Variants in DDX17 observed in about 807,000 individuals in gnomAD.
DDX17 encodes the protein DEAD-box helicase 17, also known as probable ATP-dependent RNA helicase DDX17.
A neutral mutation model predicts 80.8 loss-of-function variants in DDX17; 10 were observed. That is an observed-to-expected ratio of 0.12 (90% CI 0.08 to 0.21). The LOEUF (loss-of-function observed/expected upper bound fraction) is 0.21. Among genes scored for constraint, DDX17 ranks in the 10% least tolerant of loss-of-function variants. The pLI is 1.00. For missense variants in DDX17, 586 were observed against 957.4 expected (o/e 0.61, Z 5.12); for synonymous variants, 339 against 336.2 (o/e 1.01, Z -0.09).
At chr22:38,487,262 A>G (rs898320060) in intron 12 of DDX17, among the ~76,000 whole-genome samples, 1 of 152,164 alleles carries the variant, frequency 6.6e-6, no homozygotes, top group Non-Finnish European at 1.5e-5. Flanking sequence ...TGGGAGGCCA[A>G]GACAGGTGGA....
rs1167121392 is a variant in DDX17 at position 38,506,045 on chromosome 22, G to A, written c.193C>T (p.Pro65Ser). The A allele has an allele frequency of 1.9e-6, 3 of 1,585,372 alleles. No individual in the cohort carries two copies. Among genetic ancestry groups the A allele is most frequent in the Middle Eastern group, 1.7e-4 (1 of 6,022 alleles). The change falls in exon 1 of 13, where the codon CCG becomes TCG. Residue 65 changes from proline to serine, a missense_variant. Coordinates refer to ENST00000403230, the MANE Select transcript of DDX17 (RefSeq NM_006386.5). The stretch of plus-strand genomic sequence containing the variant: ...TCTGGGAGCGGGGCACGGATGGCCG[G>A]GCTCGGGAGGGCCTGCGGCTCCGGT...
chr22:38,499,276 A>G, intron 3 of DDX17, 124 bp downstream of exon 3: 2 of 725,778 alleles, frequency 2.8e-6, no homozygotes. Flanking sequence ...ACTGATGACC[A>G]TAAAAACAAT....
At chr22:38,501,445 C>T (rs766856089) in intron 1 of DDX17, among the ~76,000 whole-genome samples, 165 bp from the exon 2 acceptor site, 3 of 152,096 alleles carry the variant, frequency 2.0e-5, no homozygotes, top group Non-Finnish European at 2.9e-5. Flanking sequence ...ATGTGTAAAA[C>T]CTCCCTTACT....
At chr22:38,488,860 G>C in intron 11 of DDX17, 2 of 985,300 alleles carry the variant, frequency 2.0e-6, no homozygotes, top group Non-Finnish European at 2.4e-6. Context: ...CTCAACTCAA[G>C]GTTATTTCAA....
chr22:38,495,981 A>T (rs1377636428), intron 5 of DDX17, 44 bp from the exon 6 acceptor site: 5 of 932,368 alleles, frequency 5.4e-6, no homozygotes, highest in Admixed American at 7.2e-5. Flanking sequence ...CCAAGGTTTA[A>T]AAAAAAAAAA....
In DDX17 at chr22:38,501,266, C is replaced by T. The variant is rs1224253610; in HGVS notation, c.302G>A (p.Gly101Asp). 1.2e-6 allele frequency: 2 copies of T among 1,608,410 alleles called. No individual in the cohort carries two copies. The highest frequency in any genetic ancestry group is 1.7e-6 in the Non-Finnish European group (2 of 1,177,882). The stretch of plus-strand genomic sequence containing the variant: ...TTTCTTCGGGGGAAGGCCACCACCA[C>T]CTCTTGCTCCAAATCTAGGAACAGA... The change falls in exon 2 of 13, where the codon GGT becomes GAT. Residue 101 changes from glycine to aspartate, a missense_variant. Gly to Asp is a moderately conservative substitution (Grantham distance 94). Coordinates refer to ENST00000403230, the MANE Select transcript of DDX17 (RefSeq NM_006386.5).
Position 38,490,313 on chromosome 22 carries a change from T to C in DDX17, c.1447+1743A>G, listed in dbSNP as rs964172906. 21 of 1,286,686 alleles carry C rather than the reference T, an allele frequency of 1.6e-5. No individual in the cohort carries two copies. The Admixed American group carries it at 2.6e-4, about 16-fold the overall frequency. The allele number at this position is 1,286,686 out of a possible 1,614,324, so 79.7% of individuals were successfully genotyped here. On this transcript the variant is annotated intron_variant, in intron 11 of 12. Transcript: ENST00000403230. ...GTCTGAAAGGCCCTATGACATGGCCTGAATCGCCAATCACTAATAAGGAGG... is the reference window on the plus strand; with the variant it reads ...GTCTGAAAGGCCCTATGACATGGCCCGAATCGCCAATCACTAATAAGGAGG...
intron 1 of DDX17, among the ~76,000 whole-genome samples, chr22:38,501,761 A>G (rs1047261348): frequency 1.3e-5 from 2 of 152,262 alleles, no homozygotes; most frequent in Non-Finnish European, 2.9e-5. Context: ...AGTTAGCATC[A>G]TTTCATTCAA....
At chr22:38,503,071 ATACCAC>A (rs2089846341) in intron 1 of DDX17, among the ~76,000 whole-genome samples, 1 of 152,220 alleles carries the variant, frequency 6.6e-6, no homozygotes, top group Admixed American at 6.5e-5. Context: ...AATTCCATTT[ATACCAC>A]TACTGAGACA....
rs138453 is a variant in DDX17 at position 38,500,817 on chromosome 22, C to CAAAAAAAAAAAAAAAAAA, written c.438+295_438+312dup. Among the ~76,000 whole-genome samples, 12 of 54,188 alleles carry CAAAAAAAAAAAAAAAAAA rather than the reference C, an allele frequency of 2.2e-4. 2 individuals carry two copies. Among genetic ancestry groups the CAAAAAAAAAAAAAAAAAA allele is most frequent in the African/African-American group, 8.1e-4 (9 of 11,050 alleles). 35.5% of individuals were successfully genotyped at this position (54,188 alleles called of 152,430 possible). A position where few individuals can be genotyped will look rare whatever the true frequency, so the allele number is the denominator to read the frequency against. On this transcript the variant is annotated intron_variant, in intron 2 of 12. Transcript: ENST00000403230. ...GGGCAACAAGAGCAAAACTCCGTCT[C>CAAAAAAAAAAAAAAAAAA]AAAAAAAAAAAAAAAAAAAAAAAAA...
rs776649573 is a variant in DDX17 at position 38,506,269 on chromosome 22, G to A, written c.-32C>T. 5.1e-6 allele frequency: 8 copies of A among 1,555,374 alleles called. No individual in the cohort carries two copies. Among genetic ancestry groups the A allele is most frequent in the East Asian group, 2.3e-5 (1 of 42,566 alleles). On this transcript the variant is annotated 5_prime_UTR_variant, in exon 1 of 13. Transcript: ENST00000403230. The stretch of plus-strand genomic sequence containing the variant: ...CTACGCTCAAACCGGGCAGTGCCGC[G>A]GTTTAGGCGTCTCCTTCCTTCCCAG...
intron 6 of DDX17, 103 bp from the exon 7 acceptor site, chr22:38,495,149 A>G: frequency 8.8e-7 from 1 of 1,134,728 alleles, no homozygotes; most frequent in Non-Finnish European, 1.2e-6. Context: ...GCTTGAGGCC[A>G]GTTCACAACC....
At chr22:38,501,401 C>CGT in intron 1 of DDX17, 121 bp from the exon 2 acceptor site, 2 of 1,181,000 alleles carry the variant, frequency 1.7e-6, no homozygotes, top group Non-Finnish European at 2.3e-6. Context: ...CCAAAAAGAC[C>CGT]ATTTTATTTG....
chr22:38,503,457 AT>A (rs1397201579), intron 1 of DDX17, among the ~76,000 whole-genome samples: 2 of 152,046 alleles, frequency 1.3e-5, no homozygotes, highest in Non-Finnish European at 2.9e-5. Flanking sequence ...TTCCCTGGCT[AT>A]TTATTCAAGA....
At chr22:38,495,246 A>ATT (rs138442) in intron 6 of DDX17, among the ~76,000 whole-genome samples, 200 bp from the exon 7 acceptor site, 79,127 of 130,598 alleles carry the variant, frequency 0.61, 24,872 homozygotes, top group South Asian at 0.68. Flanking sequence ...CAGAGAAGCT[A>ATT]TTTTTTTTTT....
chr22:38,491,789 G>A, intron 11 of DDX17: 1 of 369,782 alleles, frequency 2.7e-6, no homozygotes, highest in South Asian at 5.4e-5. Flanking sequence ...GAATAGTCAT[G>A]CCTAGGCCTT....
rs749818485 is a variant in DDX17, at chr22:38,501,298, A to G, written c.288-18T>C. On this transcript the variant is annotated intron_variant, in intron 1 of 12. Transcript: ENST00000403230. ...CTCCAAATCTAGGAACAGAATTTTT[A>G]GTTAGTTCATCAGTATTTTTAAAGC... 2 of 1,600,650 alleles carry G rather than the reference A, an allele frequency of 1.2e-6. No homozygotes were observed. The highest frequency in any genetic ancestry group is 2.7e-5 in the African/African-American group (2 of 73,850).
chr22:38,498,052 C>T (rs766785062), intron 5 of DDX17, 33 bp downstream of exon 5: 29 of 1,603,732 alleles, frequency 1.8e-5, no homozygotes, highest in Non-Finnish European at 2.5e-5. Flanking sequence ...TGTAGTTTTT[C>T]TTAGAATTAC....
intron 6 of DDX17, among the ~76,000 whole-genome samples, 200 bp from the exon 7 acceptor site, chr22:38,495,246 ATTTT>A (rs138442): frequency 1.5e-5 from 2 of 130,680 alleles, no homozygotes; most frequent in African/African-American, 2.9e-5. Flanking sequence ...CAGAGAAGCT[ATTTT>A]TTTTTTTTTT....
Sources: gnomAD v4.1 joint callset for allele counts (sites outside exome capture counted in the v4.1 genomes callset) on GRCh38, gnomAD v4.1.1 for gene constraint, MANE v1.5 for transcripts, NCBI Gene and HGNC (gene_info 2026-07-23, HGNC 2026-07-21) for gene names.